COL13A1: variants seen among roughly 807,000 people sequenced by gnomAD.
COL13A1 encodes the protein collagen type XIII alpha 1 chain.
Under a neutral mutation model 130.9 loss-of-function variants are expected in COL13A1, and 89 were observed. That is an observed-to-expected ratio of 0.68 (90% CI 0.57 to 0.81). COL13A1 has a LOEUF of 0.81. Ranked by LOEUF, COL13A1 falls within the 30% of genes least tolerant of loss-of-function variation. The pLI is 0.00. For missense variants in COL13A1, 879 were observed against 934.6 expected, an observed-to-expected ratio of 0.94 and a Z score of 0.78; for synonymous variants, 402 against 341.6, an observed-to-expected ratio of 1.18 and a Z score of -1.95.
intron 36 of COL13A1, 64 bp from the exon 37 acceptor site, chr10:69,945,607 A>C: frequency 1.9e-6 from 3 of 1,576,094 alleles, no homozygotes; most frequent in Non-Finnish European, 2.6e-6. Context: ...ACCAAAGTAG[A>C]AAATGGCAAG....
At chr10:69,824,116 A>G (rs115853600) in intron 2 of COL13A1, 7,265 of 472,290 alleles carry the variant, frequency 0.015, 174 homozygotes, top group African/African-American at 0.024. Flanking sequence ...TCAGAGAGTT[A>G]TTTAACCTCC....
Position 69,917,326 on chromosome 10 carries a change from G to A in COL13A1, c.959G>A (p.Gly320Glu), listed in dbSNP as rs1283649009. Residue 320 changes from glycine (G) to glutamate (E), a missense_variant, in exon 18 of 41, where the codon GGA (glycine) becomes GAA (glutamate). Physicochemically the swap from Gly to Glu is moderately conservative, Grantham distance 98. This residue lies in a region of COL13A1 where 715 missense variants were observed against 721.0 expected (regional missense o/e 0.99). Transcript: ENST00000645393. Reference protein sequence around the residue: ...RGMPGMPGKHGAKGAPGIAVA... With the variant: ...RGMPGMPGKHEAKGAPGIAVA... The stretch of plus-strand genomic sequence containing the variant: ...ATGCCAGGGATGCCAGGCAAGCATG[G>A]AGCCAAGGTACCTCCCCCTTCCCCA... 4 of 1,613,434 alleles carry A rather than the reference G, an allele frequency of 2.5e-6. No homozygotes were observed. The highest frequency in any genetic ancestry group is 1.1e-5 in the South Asian group (1 of 90,988).
chr10:69,958,417 A>C (rs562092313), intron 40 of COL13A1, among the ~76,000 whole-genome samples: 6 of 152,350 alleles, frequency 3.9e-5, no homozygotes, highest in Non-Finnish European at 7.3e-5. Context: ...ATCTGGGACA[A>C]TGCAGTGGTT....
At chr10:69,811,932 C>T (rs565805628) in intron 1 of COL13A1, among the ~76,000 whole-genome samples, 6 of 152,124 alleles carry the variant, frequency 3.9e-5, no homozygotes, top group Non-Finnish European at 8.8e-5. Context: ...GCTCTCCTGC[C>T]CACACCTTCT....
rs2763363 is a variant in COL13A1 at position 69,888,618 on chromosome 10, G to A, written c.576+288G>A. On this transcript the variant is annotated intron_variant, in intron 9 of 40. Coordinates refer to ENST00000645393, the MANE Select transcript of COL13A1 (RefSeq NM_001368882.1). ...GGGGTGGGGGTGAGATCAGGAGGCA[G>A]TGAGGAGAGTGGAGGGTACGGAGGT... Among the ~76,000 whole-genome samples the A allele has an allele frequency of 0.71, 107,359 of 151,772 alleles. 38,525 individuals are homozygous for A. Among genetic ancestry groups the A allele is most frequent in the Admixed American group, 0.8 (12,151 of 15,280 alleles).
At chr10:69,808,650 T>C (rs763766938) in intron 1 of COL13A1, among the ~76,000 whole-genome samples, 1 of 152,214 alleles carries the variant, frequency 6.6e-6, no homozygotes, top group Admixed American at 6.5e-5. Context: ...AACCACATTG[T>C]ACAACGGTCT....
chr10:69,911,907 TCCTG>T (rs561692524), intron 17 of COL13A1, among the ~76,000 whole-genome samples: 18 of 152,334 alleles, frequency 1.2e-4, no homozygotes, highest in Admixed American at 1.2e-3. Context: ...CCTGAAACCT[TCCTG>T]CACCCCTCCG....
In COL13A1 at chr10:69,802,507, G is replaced by A; in HGVS notation, c.84G>A (p.Leu28=). The part of the protein sequence containing the change: ...GELGAPGTVA[L]VAARAERGAR... ...TGGGCGCGCCCGGGACGGTGGCTCT[G>A]GTGGCGGCGCGGGCGGAGCGCGGCG... The change falls in exon 1 of 41, where the codon CTG becomes CTA. Residue 28 remains leucine (L), a synonymous_variant. Transcript: ENST00000645393. The A allele has an allele frequency of 1.9e-6, 3 of 1,549,580 alleles. No individual in the cohort carries two copies. The highest frequency in any genetic ancestry group is 2.6e-6 in the Non-Finnish European group (3 of 1,150,688).
chr10:69,836,870 C>T (rs1448177565), intron 2 of COL13A1, among the ~76,000 whole-genome samples: 1 of 152,134 alleles, frequency 6.6e-6, no homozygotes, highest in South Asian at 2.1e-4. Context: ...CAGAAAGATG[C>T]CCAGCAGGCG....
intron 39 of COL13A1, 132 bp downstream of exon 39, chr10:69,953,100 A>T (rs2069920973): frequency 1.7e-6 from 1 of 593,232 alleles, no homozygotes; most frequent in South Asian, 4.3e-5. Flanking sequence ...CTCTCTGTTC[A>T]TTTGACTGGT....
At chr10:69,947,116 C>G (rs1368440629) in intron 37 of COL13A1, among the ~76,000 whole-genome samples, 191 bp from the exon 38 acceptor site, 4 of 152,200 alleles carry the variant, frequency 2.6e-5, no homozygotes, top group African/African-American at 7.2e-5. Context: ...TTGCCCAGAA[C>G]TCATCATTTG....
chr10:69,810,532 G>A (rs548179071), intron 1 of COL13A1, among the ~76,000 whole-genome samples: 1 of 152,162 alleles, frequency 6.6e-6, no homozygotes, highest in Admixed American at 6.5e-5. Flanking sequence ...GCACTGGGAG[G>A]TTTGAAGAAG....
At chr10:69,921,742 C>T in intron 21 of COL13A1, 140 bp from the exon 22 acceptor site, 1 of 1,051,080 alleles carries the variant, frequency 9.5e-7, no homozygotes. Context: ...GGAAGTGGAG[C>T]CCTTCAGAAA....
intron 9 of COL13A1, among the ~76,000 whole-genome samples, chr10:69,888,985 T>A (rs1444794346): frequency 1.3e-5 from 2 of 152,120 alleles, no homozygotes; most frequent in Non-Finnish European, 2.9e-5. Flanking sequence ...GCCCCGCCAC[T>A]CGCCTCTCTC....
intron 2 of COL13A1, among the ~76,000 whole-genome samples, chr10:69,849,998 A>G (rs1854291205): frequency 6.6e-6 from 1 of 152,166 alleles, no homozygotes; most frequent in South Asian, 2.1e-4. Flanking sequence ...TTAGCACATC[A>G]AAGCGGGATT....
chr10:69,933,434 A>G (rs2066422136), intron 31 of COL13A1, among the ~76,000 whole-genome samples: 1 of 152,174 alleles, frequency 6.6e-6, no homozygotes, highest in Admixed American at 6.5e-5. Context: ...GCAGAGAATC[A>G]GGCATATTTG....
At chr10:69,834,335 C>A (rs1332515059) in intron 2 of COL13A1, among the ~76,000 whole-genome samples, 2 of 152,114 alleles carry the variant, frequency 1.3e-5, no homozygotes, top group Non-Finnish European at 2.9e-5. Flanking sequence ...GACCCCCGCT[C>A]TAAGAGAAGA....
At chr10:69,842,058 C>T (rs1009091162) in intron 2 of COL13A1, among the ~76,000 whole-genome samples, 1 of 152,216 alleles carries the variant, frequency 6.6e-6, no homozygotes, top group African/African-American at 2.4e-5. Context: ...GATATGGTTT[C>T]ACTGTGTCCC....
intron 15 of COL13A1, among the ~76,000 whole-genome samples, chr10:69,904,521 C>T (rs951184251): frequency 2.0e-5 from 3 of 152,216 alleles, no homozygotes; most frequent in East Asian, 3.9e-4. Flanking sequence ...AGACAGAGGG[C>T]TCCTCCACTG....
Sources: allele counts gnomAD v4.1 joint callset (sites outside exome capture counted in the v4.1 genomes callset), GRCh38; gene constraint gnomAD v4.1.1; regional missense constraint gnomAD v4.1.1; transcripts MANE v1.5; gene names NCBI Gene and HGNC (gene_info 2026-07-23, HGNC 2026-07-21).